GHRHR: variants seen among roughly 807,000 people sequenced by gnomAD.
GHRHR encodes growth hormone releasing hormone receptor, also known as growth hormone-releasing hormone receptor.
Under a neutral mutation model 58.3 loss-of-function variants are expected in GHRHR, and 40 were observed. The observed-to-expected ratio is 0.69, with a 90% CI of 0.53 to 0.89. The LOEUF is 0.89. Ranked by LOEUF, GHRHR falls within the 40% of genes least tolerant of loss-of-function variation. The probability of loss-of-function intolerance (pLI) is 0.00; values close to 1 mark genes in which losing one functional copy is unlikely to be tolerated. For missense variants in GHRHR, 551 were observed against 541.3 expected, an observed-to-expected ratio of 1.02 and a Z score of -0.18; for synonymous variants, 249 against 216.6, an observed-to-expected ratio of 1.15 and a Z score of -1.31.
rs117395870 is a variant in GHRHR, at chr7:30,967,717, C to A, written c.58-1117C>A. ...TCCTGCCTTCCTGCCTTCCTTCCCT[C>A]CTTCCTTTTTTTATGCAGCCTTCAC... On this transcript the variant is annotated intron_variant, in intron 1 of 12. Coordinates refer to ENST00000326139, the MANE Select transcript of GHRHR (RefSeq NM_000823.4). Among the ~76,000 whole-genome samples, 60 of 152,170 alleles carry A rather than the reference C, an allele frequency of 3.9e-4. No homozygotes were observed. In the Middle Eastern group the frequency reaches 0.014, roughly 35 times the overall value.
intron 3 of GHRHR, chr7:30,969,626 CT>C: frequency 1.6e-6 from 1 of 616,862 alleles, no homozygotes; most frequent in Non-Finnish European, 2.9e-6. Context: ...CTCCTCACCC[CT>C]CAGGGGAATA....
intron 6 of GHRHR, 34 bp downstream of exon 6, chr7:30,972,129 G>A (rs746866948): frequency 6.2e-7 from 1 of 1,611,150 alleles, no homozygotes; most frequent in African/African-American, 1.3e-5. Context: ...TGGGCAGGTG[G>A]GGGAGAGAGG....
In GHRHR at chr7:30,979,451, C is replaced by T. The variant is rs1792651143; in HGVS notation, c.*207C>T. 7.1e-6 allele frequency: 4 copies of T among 560,750 alleles called. No homozygotes were observed. The South Asian group carries it at 7.2e-5, about 10-fold the overall frequency. The allele number at this position is 560,750 out of a possible 1,614,324, so 34.7% of individuals were successfully genotyped here. ...TCTGACTTCTGTGGTCCCTCTGTGT[C>T]TGCTCTCATCCATTCCTCTTACTGG... On this transcript the variant is annotated 3_prime_UTR_variant, in exon 13 of 13. Coordinates refer to ENST00000326139, the MANE Select transcript of GHRHR (RefSeq NM_000823.4).
chr7:30,975,929 T>A lies in GHRHR; in HGVS notation c.974+61T>A. 3.2e-6 allele frequency: 3 copies of A among 936,022 alleles called. No homozygotes were observed. The South Asian group carries it at 3.9e-5, about 12-fold the overall frequency. 58.0% of individuals were successfully genotyped at this position (936,022 alleles called of 1,614,324 possible). A position where few individuals can be genotyped will look rare whatever the true frequency, so the allele number is the denominator to read the frequency against. On this transcript the variant is annotated intron_variant, in intron 10 of 12. Coordinates refer to ENST00000326139, the MANE Select transcript of GHRHR (RefSeq NM_000823.4). ...GGTAACTGGAGGGGGATTCAATGTGTCTGTCTCATCCAATAAGCACTCATG... is the reference window on the plus strand; with the variant it reads ...GGTAACTGGAGGGGGATTCAATGTGACTGTCTCATCCAATAAGCACTCATG...
chr7:30,964,828 C>T (rs1792308681), intron 1 of GHRHR, among the ~76,000 whole-genome samples: 1 of 152,156 alleles, frequency 6.6e-6, no homozygotes, highest in Non-Finnish European at 1.5e-5. Context: ...CTGCAGTTTC[C>T]CAGTAACTTT....
intron 1 of GHRHR, among the ~76,000 whole-genome samples, chr7:30,968,605 TCTCCCTCCCTCCCTCCCTCC>T (rs74763704): frequency 2.5e-5 from 2 of 81,128 alleles, no homozygotes; most frequent in Non-Finnish European, 4.5e-5. Flanking sequence ...TTCCTCCCTC[TCTCCCTCCCTCCCTCCCTCC>T]CTCCCTCCCT....
intron 8 of GHRHR, 82 bp downstream of exon 8, chr7:30,974,571 C>T: frequency 9.8e-7 from 1 of 1,015,452 alleles, no homozygotes; most frequent in Non-Finnish European, 1.6e-6. Flanking sequence ...GGCTGTTCTC[C>T]AGGCTGGGAA....
chr7:30,969,726 C>A, intron 3 of GHRHR, 141 bp from the exon 4 acceptor site: 1 of 819,960 alleles, frequency 1.2e-6, no homozygotes, highest in South Asian at 1.4e-5. Context: ...GGGCCCCAGG[C>A]CTCTGGAGCC....
chr7:30,976,010 C>G, intron 10 of GHRHR, 142 bp downstream of exon 10: 1 of 686,658 alleles, frequency 1.5e-6, no homozygotes, highest in East Asian at 2.7e-5. Flanking sequence ...TAGACCTGGC[C>G]CCTTCCTTCT....
intron 8 of GHRHR, 67 bp downstream of exon 8, chr7:30,974,556 C>A: frequency 9.1e-7 from 1 of 1,104,210 alleles, no homozygotes; most frequent in Non-Finnish European, 1.4e-6. Context: ...GACAGTCAGG[C>A]CATGGGCTGT....
intron 1 of GHRHR, among the ~76,000 whole-genome samples, chr7:30,966,095 G>A (rs767302634): frequency 2.6e-5 from 4 of 152,324 alleles, no homozygotes; most frequent in Non-Finnish European, 4.4e-5. Flanking sequence ...GGTCAGCAGG[G>A]CGGGACAGGA....
chr7:30,974,252 A>G lies in GHRHR; in HGVS notation c.751+114A>G. ...CTGAGGCCCAGAGAAGGAGAGGGAC[A>G]GGCCACAGTCCGGCAGCAAGTGTTG... On this transcript the variant is annotated intron_variant, in intron 7 of 12. Coordinates refer to ENST00000326139, the MANE Select transcript of GHRHR (RefSeq NM_000823.4). 5 of 1,255,338 alleles carry G rather than the reference A, an allele frequency of 4.0e-6. No homozygotes were observed. The South Asian group carries it at 6.1e-5, about 15-fold the overall frequency. The allele number at this position is 1,255,338 out of a possible 1,614,324, so 77.8% of individuals were successfully genotyped here. A position where few individuals can be genotyped will look rare whatever the true frequency, so the allele number is the denominator to read the frequency against.
intron 1 of GHRHR, among the ~76,000 whole-genome samples, chr7:30,967,147 A>G (rs980943115): frequency 2.6e-5 from 4 of 152,168 alleles, no homozygotes; most frequent in African/African-American, 9.7e-5. Flanking sequence ...CTTCCCTTGT[A>G]TGTATCTGTT....
chr7:30,976,641 A>G (rs1382944368), intron 11 of GHRHR, 83 bp downstream of exon 11: 26 of 1,188,944 alleles, frequency 2.2e-5, no homozygotes, highest in Non-Finnish European at 3.0e-5. Flanking sequence ...GGCTGAGTTC[A>G]TGACAGGGTG....
chr7:30,971,212 C>G lies in GHRHR; in HGVS notation c.460C>G (p.Leu154Val). The G allele has an allele frequency of 2.1e-6, 3 of 1,424,478 alleles. No individual in the cohort carries two copies. The highest frequency in any genetic ancestry group is 2.9e-6 in the Non-Finnish European group (3 of 1,028,866). 88.2% of individuals were successfully genotyped at this position (1,424,478 alleles called of 1,614,324 possible). A position where few individuals can be genotyped will look rare whatever the true frequency, so the allele number is the denominator to read the frequency against. The change falls in exon 5 of 13, where the codon CTC becomes GTC. Residue 154 changes from leucine to valine, a missense_variant. By Grantham distance (32) the Leu-to-Val change is conservative. Coordinates refer to ENST00000326139, the MANE Select transcript of GHRHR (RefSeq NM_000823.4). ...CGTGGCCATCACCATCCTGGTTGCTCTCAGGTTTGTCATCCTCATCACCAG... is the reference window on the plus strand; with the variant it reads ...CGTGGCCATCACCATCCTGGTTGCTGTCAGGTTTGTCATCCTCATCACCAG... The part of the protein sequence containing the change: ...LFVAITILVA[L>V]RRLHCPRNYV...
intron 1 of GHRHR, among the ~76,000 whole-genome samples, chr7:30,968,172 A>T (rs1266396027): frequency 1.3e-5 from 2 of 152,176 alleles, no homozygotes; most frequent in Non-Finnish European, 2.9e-5. Flanking sequence ...CCTGAACTCA[A>T]TCACATCTGC....
At chr7:30,967,345 C>A (rs1792378092) in intron 1 of GHRHR, among the ~76,000 whole-genome samples, 2 of 152,168 alleles carry the variant, frequency 1.3e-5, no homozygotes, top group Admixed American at 1.3e-4. Flanking sequence ...CTAGCTGGTT[C>A]TTGAGGCACA....
chr7:30,974,162 C>T (rs771262179), intron 7 of GHRHR, 24 bp downstream of exon 7: 1 of 1,611,040 alleles, frequency 6.2e-7, no homozygotes, highest in Non-Finnish European at 8.5e-7. Context: ...GCGGGTTGGG[C>T]ACCATGGGGA....
intron 10 of GHRHR, 79 bp downstream of exon 10, chr7:30,975,947 C>T: frequency 1.2e-6 from 1 of 830,100 alleles, no homozygotes; most frequent in Non-Finnish European, 2.1e-6. Context: ...ATCCAATAAG[C>T]ACTCATGACC....
Sources: gnomAD v4.1 joint callset for allele counts (sites outside exome capture counted in the v4.1 genomes callset) on GRCh38, gnomAD v4.1.1 for gene constraint, MANE v1.5 for transcripts, NCBI Gene and HGNC (gene_info 2026-07-23, HGNC 2026-07-21) for gene names.